The following SLCO1A2 variants were observed in gnomAD, a reference collection of about 807,000 sequenced individuals.
SLCO1A2 encodes the protein solute carrier organic anion transporter family member 1A2, also known as OATP-1.
Under a neutral mutation model 69.0 loss-of-function variants are expected in SLCO1A2, and 67 were observed. The observed-to-expected ratio is 0.97, with a 90% CI of 0.80 to 1.19. SLCO1A2 has a LOEUF of 1.19. Ranked by LOEUF, SLCO1A2 falls within the 50% of genes most tolerant of loss-of-function variation. SLCO1A2 has a pLI of 0.00. For synonymous variants in SLCO1A2, 260 were observed against 265.9 expected, an observed-to-expected ratio of 0.98 and a Z score of 0.22; for missense variants, 787 against 793.7, an observed-to-expected ratio of 0.99 and a Z score of 0.10.
At chr12:21,396,731 G>A (rs569059917), upstream of SLCO1A2, among the ~76,000 whole-genome samples, 49 of 152,244 alleles carry the variant, frequency 3.2e-4, no homozygotes, top group African/African-American at 1.1e-3. Context: ...ATTTCTTAAA[G>A]AAAAGAATTT....
chr12:21,348,996 G>T (rs1351730441), intron 2 of SLCO1A2, among the ~76,000 whole-genome samples: 4 of 152,272 alleles, frequency 2.6e-5, no homozygotes, highest in African/African-American at 9.6e-5. Context: ...TAATGGAGGA[G>T]TATATACAGC....
intron 2 of SLCO1A2, among the ~76,000 whole-genome samples, chr12:21,348,608 GT>G (rs1332458484): frequency 6.6e-5 from 10 of 151,920 alleles, no homozygotes; most frequent in Admixed American, 5.9e-4. Context: ...TTTAAAAAGG[GT>G]TCTCTTCCCT....
At chr12:21,273,312 A>G (rs1334528748) in intron 14 of SLCO1A2, among the ~76,000 whole-genome samples, 2 of 151,214 alleles carry the variant, frequency 1.3e-5, no homozygotes, top group South Asian at 2.1e-4. Flanking sequence ...GACACTATTT[A>G]TATCTTCCAA....
At chr12:21,334,523 C>A in intron 2 of SLCO1A2, 65 bp downstream of exon 2, 1 of 1,183,960 alleles carries the variant, frequency 8.4e-7, no homozygotes, top group Admixed American at 2.0e-5. Flanking sequence ...AGCAATTTTA[C>A]CAGGACTGTC....
At chr12:21,276,830 C>G (rs1278599560) in intron 12 of SLCO1A2, among the ~76,000 whole-genome samples, 1 of 152,212 alleles carries the variant, frequency 6.6e-6, no homozygotes, top group Non-Finnish European at 1.5e-5. Flanking sequence ...CTGATTCTTA[C>G]CCATGGAGGG....
intron 12 of SLCO1A2, among the ~76,000 whole-genome samples, chr12:21,277,218 T>C (rs1009648742): frequency 2.0e-5 from 3 of 150,520 alleles, no homozygotes; most frequent in African/African-American, 7.3e-5. Flanking sequence ...CACAGTAGGA[T>C]AGGGCACTGG....
intron 2 of SLCO1A2, among the ~76,000 whole-genome samples, chr12:21,368,465 G>C (rs955728797): frequency 7.4e-6 from 1 of 134,548 alleles, no homozygotes; most frequent in Non-Finnish European, 1.6e-5. Flanking sequence ...CAACAAACCA[G>C]TTAAATTTTT....
In SLCO1A2 at chr12:21,313,724, A is replaced by G. The variant is rs141197172; in HGVS notation, c.335+825T>C. On this transcript the variant is annotated intron_variant, in intron 4 of 14. Coordinates refer to ENST00000683939, the MANE Select transcript of SLCO1A2 (RefSeq NM_001386879.1). ...TGAGTGAGACTGTCTCAACAAAAAT[A>G]AAAACAGAGGCCGAGGCGGGCGGGT... Among the ~76,000 whole-genome samples the G allele has an allele frequency of 5.3e-3, 812 of 152,002 alleles. 5 individuals carry two copies. The highest frequency in any genetic ancestry group is 0.016 in the African/African-American group (648 of 41,464).
At chr12:21,352,489 A>G (rs115685216) in intron 2 of SLCO1A2, among the ~76,000 whole-genome samples, 1,620 of 152,290 alleles carry the variant, frequency 0.011, 22 homozygotes, top group African/African-American at 0.036. Context: ...GAATCTTCCT[A>G]TTAATAGTGC....
In SLCO1A2 at chr12:21,266,900, A is replaced by G. The variant is rs993148988; in HGVS notation, c.*2648T>C. On this transcript the variant is annotated 3_prime_UTR_variant, in exon 15 of 15. Coordinates refer to ENST00000683939, the MANE Select transcript of SLCO1A2 (RefSeq NM_001386879.1). ...ATTATAAGTAATATATTAAACCACT[A>G]TTTCTAGTTTCATTAACTTTATGTA... The G allele has an allele frequency of 1.3e-5, 2 of 152,124 alleles. No individual in the cohort carries two copies. Among genetic ancestry groups the G allele is most frequent in the African/African-American group, 4.8e-5 (2 of 41,422 alleles). The allele number at this position is 152,124 out of a possible 1,614,324, so 9.4% of individuals were successfully genotyped here. A position where few individuals can be genotyped will look rare whatever the true frequency, so the allele number is the denominator to read the frequency against.
At chr12:21,287,898 T>G (rs1946189576) in intron 12 of SLCO1A2, among the ~76,000 whole-genome samples, 2 of 116,772 alleles carry the variant, frequency 1.7e-5, no homozygotes, top group African/African-American at 3.5e-5. Flanking sequence ...CATTGGGAGA[T>G]ATACCTAATG....
At chr12:21,293,585 A>G (rs929802254) in intron 11 of SLCO1A2, among the ~76,000 whole-genome samples, 109 of 150,268 alleles carry the variant, frequency 7.3e-4, no homozygotes, top group African/African-American at 2.6e-3. Flanking sequence ...ATATGTGTGT[A>G]TATATATATG....
chr12:21,385,613 G>A (rs946810392), intron 1 of SLCO1A2, among the ~76,000 whole-genome samples: 1 of 152,146 alleles, frequency 6.6e-6, no homozygotes, highest in Non-Finnish European at 1.5e-5. Flanking sequence ...GCATGAAGGA[G>A]TCCTATTACC....
rs1319369438 is a variant in SLCO1A2, at chr12:21,276,266, T to TA, written c.1611-843dup. 2.6e-5 allele frequency among the ~76,000 whole-genome samples: 4 copies of TA among 151,978 alleles called. No individual in the cohort carries two copies. The East Asian group carries it at 7.7e-4, about 29-fold the overall frequency. ...GGATGCTGTATAAAAAGTAAATTTTTAAAAACAGCAGCATTCCTCTAAACC... is the reference window on the plus strand; with the variant it reads ...GGATGCTGTATAAAAAGTAAATTTTTAAAAAACAGCAGCATTCCTCTAAACC... On this transcript the variant is annotated intron_variant, in intron 12 of 14. Transcript: ENST00000683939.
At chr12:21,355,296 G>A (rs10841797) in intron 2 of SLCO1A2, among the ~76,000 whole-genome samples, 52,477 of 151,892 alleles carry the variant, frequency 0.35, 9,759 homozygotes, top group African/African-American at 0.49. Context: ...CTGAAGTATG[G>A]CTTTATCCTG....
At chr12:21,307,043 G>A in intron 4 of SLCO1A2, 55 bp from the exon 5 acceptor site, 1 of 1,217,022 alleles carries the variant, frequency 8.2e-7, no homozygotes, top group South Asian at 1.3e-5. Flanking sequence ...AGGACAATGT[G>A]GGCAATGTGC....
At chr12:21,270,055 C>T (rs762315394) in intron 14 of SLCO1A2, among the ~76,000 whole-genome samples, 22 of 151,298 alleles carry the variant, frequency 1.5e-4, no homozygotes, top group Non-Finnish European at 3.2e-4. Context: ...AGGATCTTCA[C>T]CTCAAAATGA....
At chr12:21,280,879 A>G (rs1189463574) in intron 12 of SLCO1A2, among the ~76,000 whole-genome samples, 1 of 152,134 alleles carries the variant, frequency 6.6e-6, no homozygotes, top group Admixed American at 6.6e-5. Flanking sequence ...AAAAATTGAA[A>G]TAATATCAAG....
In SLCO1A2 at chr12:21,274,591, A is replaced by G. The variant is rs1943456478; in HGVS notation, c.1676-5T>C. On this transcript the variant is annotated splice_polypyrimidine_tract_variant and splice_region_variant and intron_variant, in intron 13 of 14. Transcript: ENST00000683939. ...ATATAGGTGCAGGAATGCCAGCTAC[A>G]ATTGACAGGGAAAGAAAAATCTATC... is the stretch of plus-strand genomic sequence containing the variant. 1 of 1,549,568 alleles carries G rather than the reference A, an allele frequency of 6.5e-7. No individual in the cohort carries two copies. The highest frequency in any genetic ancestry group is 8.9e-7 in the Non-Finnish European group (1 of 1,122,868).
Sources: allele counts gnomAD v4.1 joint callset (sites outside exome capture counted in the v4.1 genomes callset), GRCh38; gene constraint gnomAD v4.1.1; transcripts MANE v1.5; gene names NCBI Gene and HGNC (gene_info 2026-07-23, HGNC 2026-07-21).